The following C8orf34 variants were observed in gnomAD, a reference collection of about 807,000 sequenced individuals.
The protein encoded by C8orf34 is chromosome 8 open reading frame 34, also known as uncharacterized protein C8orf34.
C8orf34 carries 65 observed loss-of-function variants against 68.3 expected under a neutral mutation model. That is an observed-to-expected ratio of 0.95 (90% CI 0.78 to 1.17). The LOEUF is 1.17. Among genes scored for constraint, C8orf34 ranks in the 50% most tolerant of loss-of-function variants. C8orf34 has a pLI of 0.00. For missense variants in C8orf34, 664 were observed against 655.4 expected, an observed-to-expected ratio of 1.01 and a Z score of -0.14; for synonymous variants, 244 against 241.2, an observed-to-expected ratio of 1.01 and a Z score of -0.11.
intron 7 of C8orf34, among the ~76,000 whole-genome samples, chr8:68,588,457 G>A (rs777964570): frequency 6.6e-6 from 1 of 152,076 alleles, no homozygotes; most frequent in African/African-American, 2.4e-5. Flanking sequence ...TCAATAATAT[G>A]TATTGCATTT....
intron 3 of C8orf34, among the ~76,000 whole-genome samples, chr8:68,462,243 A>G (rs574987305): frequency 9.8e-5 from 15 of 152,306 alleles, no homozygotes; most frequent in African/African-American, 3.6e-4. Context: ...AGAGCTAACT[A>G]TCCTAAATAT....
chr8:68,550,072 A>G (rs968720121), intron 7 of C8orf34, among the ~76,000 whole-genome samples: 1 of 151,844 alleles, frequency 6.6e-6, no homozygotes, highest in Non-Finnish European at 1.5e-5. Context: ...TATTTAAACC[A>G]TTAACATTTA....
Position 68,344,538 on chromosome 8 carries a change from AT to A in C8orf34, c.327+13200del, listed in dbSNP as rs200725364. Among the ~76,000 whole-genome samples the A allele has an allele frequency of 7.9e-3, 1,198 of 152,266 alleles. 19 individuals are homozygous for A. Among genetic ancestry groups the A allele is most frequent in the African/African-American group, 0.027 (1,102 of 41,558 alleles). ...TCTATAGTTTTGCAAAATATTACCA[AT>A]GGAGGAACATGAATAAAATGTACAT... On this transcript the variant is annotated intron_variant, in intron 1 of 13. Transcript: ENST00000518698.
At chr8:68,600,332 G>T (rs958956423) in intron 7 of C8orf34, among the ~76,000 whole-genome samples, 1 of 151,988 alleles carries the variant, frequency 6.6e-6, no homozygotes, top group Non-Finnish European at 1.5e-5. Context: ...CACATCAGAT[G>T]GTGTTGTAAT....
intron 10 of C8orf34, among the ~76,000 whole-genome samples, chr8:68,741,599 A>C (rs746471665): frequency 6.6e-6 from 1 of 152,128 alleles, no homozygotes; most frequent in East Asian, 1.9e-4. Flanking sequence ...AATTATCTTC[A>C]GTTCCCTCCA....
At chr8:68,687,838 A>G (rs1394471749) in intron 8 of C8orf34, among the ~76,000 whole-genome samples, 2 of 152,100 alleles carry the variant, frequency 1.3e-5, no homozygotes, top group Non-Finnish European at 2.9e-5. Context: ...CCCACAGAAT[A>G]GAGAAAATAT....
At chr8:68,693,852 C>G (rs1259051250) in intron 8 of C8orf34, among the ~76,000 whole-genome samples, 1 of 152,014 alleles carries the variant, frequency 6.6e-6, no homozygotes, top group Non-Finnish European at 1.5e-5. Flanking sequence ...AAAGTAAGCC[C>G]TGGATGTGTT....
At chr8:68,356,012 C>T (rs1806730047) in intron 1 of C8orf34, among the ~76,000 whole-genome samples, 1 of 151,974 alleles carries the variant, frequency 6.6e-6, no homozygotes, top group Non-Finnish European at 1.5e-5. Context: ...CTGTTTATTC[C>T]TGCTTGAATA....
chr8:68,401,861 TTGTGTGTGTG>T (rs34713905), intron 1 of C8orf34, among the ~76,000 whole-genome samples: 7,327 of 149,052 alleles, frequency 0.049, 322 homozygotes, highest in African/African-American at 0.12. Context: ...CAGTTCTCTT[TTGTGTGTGTG>T]TGTGTGTGTG....
At chr8:68,480,506 G>A (rs1419359772) in intron 4 of C8orf34, among the ~76,000 whole-genome samples, 2 of 152,210 alleles carry the variant, frequency 1.3e-5, no homozygotes, top group Admixed American at 1.3e-4. Flanking sequence ...ACACGTAGAG[G>A]TTGGAACAAT....
chr8:68,709,020 G>GGACA lies in C8orf34; in HGVS notation c.1271_1274dup (p.Glu425AspfsTer13), dbSNP rs1193224410. The GGACA allele has an allele frequency of 2.5e-6, 4 of 1,604,306 alleles. No homozygotes were observed. Among genetic ancestry groups the GGACA allele is most frequent in the Non-Finnish European group, 3.4e-6 (4 of 1,177,450 alleles). ...CTTCAAGGAGACAACCTGGAAGAAAGGACAGAAGAGTCACTACCAATACTC... is the reference window on the plus strand; with the variant it reads ...CTTCAAGGAGACAACCTGGAAGAAAGGACAGACAGAAGAGTCACTACCAATACTC... On this transcript the variant is annotated frameshift_variant, in exon 9 of 14. Transcript: ENST00000518698. LOFTEE classifies it high-confidence loss of function.
chr8:68,736,358 AT>A (rs1478270482), intron 10 of C8orf34, among the ~76,000 whole-genome samples: 1 of 152,100 alleles, frequency 6.6e-6, no homozygotes, highest in Admixed American at 6.5e-5. Flanking sequence ...TATCATCTCC[AT>A]TTTAAAGATG....
chr8:68,491,797 C>T (rs1225548327), intron 5 of C8orf34, among the ~76,000 whole-genome samples: 1 of 152,172 alleles, frequency 6.6e-6, no homozygotes, highest in Non-Finnish European at 1.5e-5. Flanking sequence ...ACATGAACAT[C>T]TCTGGGAAGT....
intron 10 of C8orf34, among the ~76,000 whole-genome samples, chr8:68,730,263 A>T (rs561318983): frequency 1.2e-4 from 19 of 152,264 alleles, no homozygotes; most frequent in African/African-American, 4.6e-4. Flanking sequence ...TGTAGCAATG[A>T]AATTTATGTT....
At chr8:68,575,064 A>G (rs1301061966) in intron 7 of C8orf34, among the ~76,000 whole-genome samples, 1 of 152,004 alleles carries the variant, frequency 6.6e-6, no homozygotes, top group Non-Finnish European at 1.5e-5. Context: ...TATAAAATAT[A>G]AACTCAAAAA....
chr8:68,666,198 G>A lies in C8orf34; in HGVS notation c.1241+25687G>A, dbSNP rs192031488. Among the ~76,000 whole-genome samples, 33 of 152,244 alleles carry A rather than the reference G, an allele frequency of 2.2e-4. No homozygotes were observed. In the East Asian group the frequency reaches 4.6e-3, roughly 21 times the overall value. On this transcript the variant is annotated intron_variant, in intron 8 of 13. Transcript: ENST00000518698. ...ACCAGGAAGTCTTGCTCCAGAACAC[G>A]TGCTCTTTTCTTCTCTGCTGCTAAC... is the stretch of plus-strand genomic sequence containing the variant.
At chr8:68,788,402 G>C (rs1489041379) in intron 12 of C8orf34, among the ~76,000 whole-genome samples, 1 of 152,142 alleles carries the variant, frequency 6.6e-6, no homozygotes, top group East Asian at 1.9e-4. Context: ...CCATACTGTG[G>C]GTTTATGTGG....
intron 12 of C8orf34, among the ~76,000 whole-genome samples, chr8:68,801,803 G>A (rs1374314287): frequency 6.6e-6 from 1 of 151,388 alleles, no homozygotes; most frequent in Non-Finnish European, 1.5e-5. Context: ...GTTTAATAAG[G>A]AAAAATAATA....
chr8:68,592,352 G>A (rs1286160013), intron 7 of C8orf34, among the ~76,000 whole-genome samples: 1 of 151,812 alleles, frequency 6.6e-6, no homozygotes, highest in African/African-American at 2.4e-5. Flanking sequence ...TAAAGATCTT[G>A]GGCTTTTTCA....
Sources: allele counts gnomAD v4.1 joint callset (sites outside exome capture counted in the v4.1 genomes callset), GRCh38; gene constraint gnomAD v4.1.1; transcripts MANE v1.5; gene names NCBI Gene and HGNC (gene_info 2026-07-23, HGNC 2026-07-21).